SAMD8: variants seen among roughly 807,000 people sequenced by gnomAD.
The protein encoded by SAMD8 is sterile alpha motif domain containing 8.
In SAMD8, 20 loss-of-function variants were observed where a neutral mutation model predicts 42.0. The observed-to-expected ratio is 0.48, with a 90% confidence interval of 0.34 to 0.69. The LOEUF (loss-of-function observed/expected upper bound fraction) is 0.69. Among genes scored for constraint, SAMD8 ranks in the 30% least tolerant of loss-of-function variants. The probability of loss-of-function intolerance (pLI) is 0.01; values close to 1 mark genes in which losing one functional copy is unlikely to be tolerated. For missense variants in SAMD8, 328 were observed against 511.6 expected (o/e 0.64, Z 3.46); for synonymous variants, 162 against 173.0 (o/e 0.94, Z 0.50).
At chr10:75,128,090 T>C (rs1849186731) in intron 1 of SAMD8, among the ~76,000 whole-genome samples, 2 of 149,644 alleles carry the variant, frequency 1.3e-5, no homozygotes. Flanking sequence ...TTTTTTTTTT[T>C]TTTTGAGACA....
rs1342920759 is a variant in SAMD8 at position 75,105,629 on chromosome 10, A to G, written c.-16+5901A>G. 6 of 1,540,924 alleles carry G rather than the reference A, an allele frequency of 3.9e-6. 1 individual carries two copies. The highest frequency in any genetic ancestry group is 1.2e-5 in the South Asian group (1 of 83,694). ...GCCCTCACCTGGCCTCTTCCGGCCAACCACATCCAGCTTTGCCCCCTGAGG... is the reference window on the plus strand; with the variant it reads ...GCCCTCACCTGGCCTCTTCCGGCCAGCCACATCCAGCTTTGCCCCCTGAGG... On this transcript the variant is annotated intron_variant, in intron 1 of 3. Coordinates refer to the SAMD8 transcript ENST00000447533.
At chr10:75,161,704 G>GAAA (rs527849830) in intron 2 of SAMD8, among the ~76,000 whole-genome samples, 2,010 of 147,184 alleles carry the variant, frequency 0.014, 32 homozygotes, top group Middle Eastern at 0.055. Context: ...GCTTTTGGGG[G>GAAA]AAAAAAAAAA....
intron 2 of SAMD8, among the ~76,000 whole-genome samples, chr10:75,163,006 A>G (rs540463799): frequency 2.0e-5 from 3 of 151,954 alleles, no homozygotes; most frequent in African/African-American, 7.2e-5. Context: ...GCTCACTGCA[A>G]CCTCCGCCTC....
In SAMD8 at chr10:75,142,047, A is replaced by G. The variant is rs986267469; in HGVS notation, c.-15-8467A>G. Among the ~76,000 whole-genome samples, 5 of 152,144 alleles carry G rather than the reference A, an allele frequency of 3.3e-5. No individual in the cohort carries two copies. The South Asian group carries it at 6.2e-4, about 19-fold the overall frequency. On this transcript the variant is annotated intron_variant, in intron 1 of 5. Transcript: ENST00000542569. Reference sequence around the variant, plus strand: ...ACTGCAGCCTCCACCTTCTGGGTTCAAGCAATTCTCCTGCCTCAGCCTTCT... The same window carrying G: ...ACTGCAGCCTCCACCTTCTGGGTTCGAGCAATTCTCCTGCCTCAGCCTTCT...
Position 75,173,510 on chromosome 10 carries a change from T to G in SAMD8, c.793-2556T>G, listed in dbSNP as rs139895988. Among the ~76,000 whole-genome samples the G allele has an allele frequency of 2.0e-3, 312 of 152,372 alleles. 13 individuals are homozygous for G. In the South Asian group the frequency reaches 0.06, roughly 29 times the overall value. On this transcript the variant is annotated intron_variant, in intron 4 of 5. Transcript: ENST00000542569. ...TTTAAGATGGGAAAGGATGGAGAGATAACTGCCTTTTGACTGGCATCACTA... is the reference window on the plus strand; with the variant it reads ...TTTAAGATGGGAAAGGATGGAGAGAGAACTGCCTTTTGACTGGCATCACTA...
At chr10:75,165,604 G>T (rs1044183431) in intron 3 of SAMD8, among the ~76,000 whole-genome samples, 1 of 151,166 alleles carries the variant, frequency 6.6e-6, no homozygotes, top group African/African-American at 2.4e-5. Context: ...CCAGGAGGCA[G>T]AGCTTGCAGT....
In SAMD8 at chr10:75,150,850, G is replaced by T; in HGVS notation, c.322G>T (p.Asp108Tyr). The change falls in exon 2 of 6, where the codon GAC (aspartate) becomes TAC (tyrosine). Residue 108 changes from aspartate to tyrosine, a missense_variant. By Grantham distance (160) the Asp-to-Tyr change is radical. Coordinates refer to ENST00000542569, the MANE Select transcript of SAMD8 (RefSeq NM_001174156.2). ...TPFISALQST[D>Y]WLCNGELSHD... ...TTTCATCAGTGCTCTTCAGAGTACA[G>T]ACTGGCTCTGTAATGGGGAGCTTTC... 2 of 1,613,956 alleles carry T rather than the reference G, an allele frequency of 1.2e-6. No individual in the cohort carries two copies. The highest frequency in any genetic ancestry group is 1.1e-5 in the South Asian group (1 of 91,050).
chr10:75,177,594 G>A lies in SAMD8; in HGVS notation c.*902G>A, dbSNP rs1841013526. The A allele has an allele frequency of 6.6e-6, 1 of 152,196 alleles. No individual in the cohort carries two copies. Among genetic ancestry groups the A allele is most frequent in the Non-Finnish European group, 1.5e-5 (1 of 68,036 alleles). 9.4% of individuals were successfully genotyped at this position (152,196 alleles called of 1,614,324 possible). ...TAGATAAAGTTCTTAATGCCGTTAA[G>A]TAGGGAGGTATGCATGCAAAGAATT... On this transcript the variant is annotated 3_prime_UTR_variant, in exon 6 of 6. Coordinates refer to ENST00000542569, the MANE Select transcript of SAMD8 (RefSeq NM_001174156.2).
intron 1 of SAMD8, among the ~76,000 whole-genome samples, chr10:75,124,493 G>GTTCC (rs2134433737): frequency 6.6e-6 from 1 of 151,870 alleles, no homozygotes; most frequent in African/African-American, 2.4e-5. Context: ...CACGCCTGTA[G>GTTCC]TTCCAGCTAC....
At chr10:75,172,234 T>C (rs552000912) in intron 4 of SAMD8, among the ~76,000 whole-genome samples, 1 of 152,286 alleles carries the variant, frequency 6.6e-6, no homozygotes, top group African/African-American at 2.4e-5. Context: ...TTTCTGTGCA[T>C]GGTGTGCGCA....
At chr10:75,127,905 A>C (rs772042423) in intron 1 of SAMD8, among the ~76,000 whole-genome samples, 1 of 152,196 alleles carries the variant, frequency 6.6e-6, no homozygotes, top group Non-Finnish European at 1.5e-5. Context: ...CTGGTTGAAT[A>C]TACTTTCCCA....
At chr10:75,155,538 A>C (rs1414707436) in intron 2 of SAMD8, among the ~76,000 whole-genome samples, 1 of 152,152 alleles carries the variant, frequency 6.6e-6, no homozygotes, top group African/African-American at 2.4e-5. Context: ...TAAGATGAGG[A>C]TAATTGACCA....
intron 2 of SAMD8, among the ~76,000 whole-genome samples, chr10:75,158,041 C>T (rs1840457181): frequency 1.3e-5 from 2 of 151,900 alleles, no homozygotes; most frequent in African/African-American, 4.8e-5. Flanking sequence ...TGCCTGTAAT[C>T]CCAGCTACTC....
chr10:75,114,970 G>A (rs1026926286), intron 1 of SAMD8, among the ~76,000 whole-genome samples: 1 of 151,904 alleles, frequency 6.6e-6, no homozygotes, highest in African/African-American at 2.4e-5. Context: ...TGTGGTATTT[G>A]GTGAAAAAAT....
chr10:75,131,238 T>C (rs1849267519), intron 1 of SAMD8, among the ~76,000 whole-genome samples: 1 of 152,250 alleles, frequency 6.6e-6, no homozygotes, highest in South Asian at 2.1e-4. Context: ...CAGAGCACTA[T>C]GTGACCATCC....
rs755934278 is a variant in SAMD8, at chr10:75,151,114, T to G, written c.578+8T>G. On this transcript the variant is annotated splice_region_variant and intron_variant, in intron 2 of 5. Transcript: ENST00000542569. ...AGATATATTCTTAGACAGGTAAGTT[T>G]TGTTTCTAGTTGCTAAGTTTGTAGG... 4 of 1,423,234 alleles carry G rather than the reference T, an allele frequency of 2.8e-6. No individual in the cohort carries two copies. In the Admixed American group the frequency reaches 7.7e-5, roughly 27 times the overall value. The allele number at this position is 1,423,234 out of a possible 1,614,324, so 88.2% of individuals were successfully genotyped here.
chr10:75,105,748 C>CG (rs1564666637), intron 1 of SAMD8: 3 of 1,554,118 alleles, frequency 1.9e-6, no homozygotes, highest in Non-Finnish European at 2.6e-6. Flanking sequence ...GAAGACCCAT[C>CG]GGTGCTGCCT....
chr10:75,151,528 G>GT (rs1589961332), intron 2 of SAMD8, among the ~76,000 whole-genome samples: 2 of 151,998 alleles, frequency 1.3e-5, no homozygotes, highest in African/African-American at 4.8e-5. Flanking sequence ...TAATTTTTAA[G>GT]TTTTTTGTAG....
chr10:75,146,007 A>G (rs1416601671), intron 1 of SAMD8, among the ~76,000 whole-genome samples: 4 of 152,146 alleles, frequency 2.6e-5, no homozygotes, highest in Non-Finnish European at 4.4e-5. Context: ...ATTCAGCTAA[A>G]TATTCAAGAG....
Sources: gnomAD v4.1 joint callset for allele counts (sites outside exome capture counted in the v4.1 genomes callset) on GRCh38, gnomAD v4.1.1 for gene constraint, MANE v1.5 for transcripts, NCBI Gene and HGNC (gene_info 2026-07-23, HGNC 2026-07-21) for gene names.